Variants in ERG observed in about 807,000 individuals in gnomAD.
ERG encodes the protein transcriptional regulator ERG.
ERG carries 9 observed loss-of-function variants against 55.3 expected under a neutral mutation model. That is an observed-to-expected ratio of 0.16 (90% CI 0.10 to 0.28). ERG has a LOEUF of 0.28. ERG is among the 10% of genes least tolerant of loss of function. The pLI is 1.00. For missense variants in ERG, 434 were observed against 631.6 expected (o/e 0.69, Z 3.35); for synonymous variants, 223 against 237.3 (o/e 0.94, Z 0.55).
At chr21:38,471,896 G>A (rs1490127642) in intron 1 of ERG, 1 of 152,160 alleles carries the variant, frequency 6.6e-6, no homozygotes, top group Non-Finnish European at 1.5e-5. Flanking sequence ...TTACTTTCAG[G>A]TTTTTCAATG....
At chr21:38,487,754 A>G (rs1314580082) in intron 1 of ERG, among the ~76,000 whole-genome samples, 2 of 152,224 alleles carry the variant, frequency 1.3e-5, no homozygotes, top group African/African-American at 4.8e-5. Context: ...GGGGCAACAG[A>G]TACATAGGAG....
intron 2 of ERG, among the ~76,000 whole-genome samples, chr21:38,555,049 AG>A (rs964225626): frequency 3.3e-5 from 5 of 151,720 alleles, no homozygotes; most frequent in African/African-American, 1.2e-4. Context: ...AAATCTGGCC[AG>A]GGGTAGTGGT....
chr21:38,468,919 A>T (rs1348703590), intron 1 of ERG, among the ~76,000 whole-genome samples: 1 of 145,562 alleles, frequency 6.9e-6, no homozygotes, highest in East Asian at 2.2e-4. Context: ...CGGGAGGCGG[A>T]GCTTGCAGTG....
intron 1 of ERG, among the ~76,000 whole-genome samples, chr21:38,605,167 T>A (rs1286819363): frequency 6.6e-6 from 1 of 152,192 alleles, no homozygotes; most frequent in Non-Finnish European, 1.5e-5. Context: ...ATCAAAAAGC[T>A]ATCTATACTA....
rs555402465 is a variant in ERG, at chr21:38,429,486, T to C, written c.237-5925A>G. 2.4e-5 allele frequency among the ~76,000 whole-genome samples: 3 copies of C among 126,528 alleles called. 1 individual carries two copies. The highest frequency in any genetic ancestry group is 9.7e-5 in the African/African-American group (3 of 30,964). The allele number at this position is 126,528 out of a possible 152,430, so 83.0% of individuals were successfully genotyped here. ...ATACACATATGTGTATATACATGTA[T>C]GCACATGTACATATATACATATGTG... On this transcript the variant is annotated intron_variant, in intron 2 of 9. Coordinates refer to ENST00000288319, the MANE Select transcript of ERG (RefSeq NM_182918.4).
At chr21:38,416,512 T>C (rs2146486413) in intron 3 of ERG, among the ~76,000 whole-genome samples, 1 of 152,348 alleles carries the variant, frequency 6.6e-6, no homozygotes, top group East Asian at 1.9e-4. Context: ...AATGGCTGCA[T>C]TCTTCCCTCA....
chr21:38,403,495 G>A lies in ERG; in HGVS notation c.592+11C>T, dbSNP rs376622308. The A allele has an allele frequency of 4.3e-6, 7 of 1,613,144 alleles. No individual in the cohort carries two copies. Among genetic ancestry groups the A allele is most frequent in the Middle Eastern group, 1.7e-4 (1 of 5,982 alleles). On this transcript the variant is annotated intron_variant, in intron 4 of 9. Transcript: ENST00000288319. Reference sequence around the variant, plus strand: ...CACAGCCATCTATCCTTGGAGGAAGGGGGAGCTTACTCTCTCTGAGGTAGT... The same window carrying A: ...CACAGCCATCTATCCTTGGAGGAAGAGGGAGCTTACTCTCTCTGAGGTAGT...
intron 2 of ERG, among the ~76,000 whole-genome samples, chr21:38,538,541 G>A (rs1336874418): frequency 6.6e-6 from 1 of 152,094 alleles, no homozygotes; most frequent in Non-Finnish European, 1.5e-5. Flanking sequence ...CACTGGGAGA[G>A]GCATTGTCAG....
Position 38,629,801 on chromosome 21 carries a change from A to G in ERG, c.-150+31857T>C, listed in dbSNP as rs73444330. On this transcript the variant is annotated intron_variant, in intron 1 of 10. Coordinates refer to the ERG transcript ENST00000398910. ...CAGGAATTCACACAGATACTTGTAC[A>G]TCAATGTTCATAACAGTATTAATCA... Among the ~76,000 whole-genome samples, 375 of 152,378 alleles carry G rather than the reference A, an allele frequency of 2.5e-3. 2 individuals are homozygous for G. The highest frequency in any genetic ancestry group is 8.3e-3 in the African/African-American group (344 of 41,576).
chr21:38,583,173 G>A (rs564095407), intron 1 of ERG, among the ~76,000 whole-genome samples: 1 of 152,338 alleles, frequency 6.6e-6, no homozygotes, highest in South Asian at 2.1e-4. Flanking sequence ...AGGCAAATCA[G>A]TCTTTCACCA....
chr21:38,554,839 A>G (rs1601235199), intron 2 of ERG, among the ~76,000 whole-genome samples: 2 of 136,498 alleles, frequency 1.5e-5, no homozygotes, highest in African/African-American at 6.4e-5. Flanking sequence ...GTTAGAAAGG[A>G]AAAAAAAAAA....
At chr21:38,507,268 A>G (rs1435851721) in intron 2 of ERG, among the ~76,000 whole-genome samples, 1 of 152,230 alleles carries the variant, frequency 6.6e-6, no homozygotes, top group Non-Finnish European at 1.5e-5. Flanking sequence ...CGAAGGGAAG[A>G]GTCCATGCAG....
intron 1 of ERG, among the ~76,000 whole-genome samples, chr21:38,612,818 CA>C (rs2051959734): frequency 1.3e-5 from 2 of 152,182 alleles, no homozygotes; most frequent in South Asian, 4.1e-4. Flanking sequence ...CGCCTGCCAC[CA>C]TGCCTGGCTA....
chr21:38,427,760 C>T (rs1042939937), intron 2 of ERG, among the ~76,000 whole-genome samples: 1 of 152,172 alleles, frequency 6.6e-6, no homozygotes, highest in African/African-American at 2.4e-5. Flanking sequence ...TCCTGACATA[C>T]TCTCCTACCC....
chr21:38,420,204 G>A (rs941868336), intron 3 of ERG, among the ~76,000 whole-genome samples: 1 of 152,166 alleles, frequency 6.6e-6, no homozygotes, highest in Admixed American at 6.5e-5. Flanking sequence ...ATACCATGGG[G>A]ATGGATACAG....
intron 1 of ERG, among the ~76,000 whole-genome samples, chr21:38,642,201 A>G (rs1452008088): frequency 6.6e-6 from 1 of 152,264 alleles, no homozygotes; most frequent in Non-Finnish European, 1.5e-5. Context: ...TATATATAAA[A>G]GTGTATATAT....
chr21:38,535,905 T>C (rs959814112), intron 2 of ERG, among the ~76,000 whole-genome samples: 26 of 152,184 alleles, frequency 1.7e-4, no homozygotes, highest in African/African-American at 6.3e-4. Context: ...ATTCATATTT[T>C]CAACCAATAA....
At chr21:38,394,355 TC>T (rs375804350) in intron 6 of ERG, among the ~76,000 whole-genome samples, 3 of 145,766 alleles carry the variant, frequency 2.1e-5, no homozygotes, top group Admixed American at 6.7e-5. Context: ...TTGTTTATTA[TC>T]TTTTTTTTTT....
intron 1 of ERG, among the ~76,000 whole-genome samples, chr21:38,610,586 T>C (rs915054066): frequency 6.6e-6 from 1 of 152,180 alleles, no homozygotes; most frequent in African/African-American, 2.4e-5. Flanking sequence ...AAAGTCTCAA[T>C]GAAAACTCAG....
Sources: gnomAD v4.1 joint callset for allele counts (sites outside exome capture counted in the v4.1 genomes callset) on GRCh38, gnomAD v4.1.1 for gene constraint, MANE v1.5 for transcripts, NCBI Gene and HGNC (gene_info 2026-07-23, HGNC 2026-07-21) for gene names.